CNTFR: variants seen among roughly 807,000 people sequenced by gnomAD.
CNTFR encodes ciliary neurotrophic factor receptor, also known as ciliary neurotrophic factor receptor subunit alpha.
CNTFR carries 12 observed loss-of-function variants against 40.4 expected under a neutral mutation model. That is an observed-to-expected ratio of 0.30 (90% CI 0.19 to 0.48). The LOEUF (loss-of-function observed/expected upper bound fraction) is 0.48, where lower values mean the gene tolerates loss of function less well. Among genes scored for constraint, CNTFR ranks in the 20% least tolerant of loss-of-function variants. CNTFR has a pLI of 0.99. For synonymous variants in CNTFR, 202 were observed against 209.6 expected, an observed-to-expected ratio of 0.96 and a Z score of 0.31; for missense variants, 414 against 506.8, an observed-to-expected ratio of 0.82 and a Z score of 1.76.
chr9:34,569,070 G>A, intron 2 of CNTFR, 89 bp from the exon 3 acceptor site: 1 of 1,276,122 alleles, frequency 7.8e-7, no homozygotes, highest in Non-Finnish European at 1.1e-6. Flanking sequence ...AGGCAAGACT[G>A]GGAAATCCCA....
intron 7 of CNTFR, among the ~76,000 whole-genome samples, chr9:34,555,951 A>C (rs563756162): frequency 1.6e-3 from 38 of 23,186 alleles, no homozygotes; most frequent in South Asian, 8.0e-3. Flanking sequence ...TCCCTCCCCC[A>C]CCATCTCCCT....
At chr9:34,587,223 G>A (rs1459724020) in intron 1 of CNTFR, among the ~76,000 whole-genome samples, 1 of 152,174 alleles carries the variant, frequency 6.6e-6, no homozygotes, top group Non-Finnish European at 1.5e-5. Flanking sequence ...TAGAGTTCTA[G>A]TGTAAGTCTG....
intron 2 of CNTFR, among the ~76,000 whole-genome samples, chr9:34,573,536 A>T (rs992953762): frequency 6.6e-6 from 1 of 152,170 alleles, no homozygotes; most frequent in African/African-American, 2.4e-5. Flanking sequence ...AATCCAAAGA[A>T]GGTCACCGGA....
At chr9:34,577,186 G>C (rs1422693615) in intron 2 of CNTFR, among the ~76,000 whole-genome samples, 1 of 152,204 alleles carries the variant, frequency 6.6e-6, no homozygotes, top group East Asian at 1.9e-4. Flanking sequence ...ATGGAATCCA[G>C]GCTGTGCTGG....
intron 1 of CNTFR, among the ~76,000 whole-genome samples, chr9:34,583,870 C>T (rs1354970197): frequency 2.6e-5 from 4 of 152,180 alleles, no homozygotes; most frequent in African/African-American, 9.7e-5. Context: ...GCTCATGGGC[C>T]GAGGTCACAT....
intron 7 of CNTFR, among the ~76,000 whole-genome samples, chr9:34,555,045 G>A (rs1019850867): frequency 1.5e-4 from 23 of 152,394 alleles, no homozygotes; most frequent in South Asian, 8.3e-4. Context: ...AGCCGCGTGC[G>A]TGTGCATGTT....
Position 34,557,989 on chromosome 9 carries a change from G to A in CNTFR, c.320-5C>T, listed in dbSNP as rs1825918690. The A allele has an allele frequency of 6.5e-7, 1 of 1,534,568 alleles. No individual in the cohort carries two copies. The highest frequency in any genetic ancestry group is 1.4e-5 in the African/African-American group (1 of 72,538). ...GCACAGGCTCCCGCGGCGGCACTGG[G>A]GGTGAGGACAGTATGGTCAGGGCAT... is the stretch of plus-strand genomic sequence containing the variant. On this transcript the variant is annotated splice_region_variant and splice_polypyrimidine_tract_variant and intron_variant, in intron 4 of 9. Transcript: ENST00000378980. This position sits in a 1 kb window ranked among gnomAD's most constrained non-coding sequence, Gnocchi z 4.2.
At position 34,557,592 on chromosome 9, in the gene CNTFR, A is replaced by T; in HGVS notation, c.538T>A (p.Ser180Thr). The T allele has an allele frequency of 6.2e-7, 1 of 1,614,178 alleles. No homozygotes were observed. The highest frequency in any genetic ancestry group is 8.5e-7 in the Non-Finnish European group (1 of 1,180,032). Residue 180 changes from serine (S) to threonine (T), a missense_variant, in exon 6 of 10, where the codon TCC (serine) becomes ACC (threonine). Physicochemically the swap from Ser to Thr is moderately conservative, Grantham distance 58 (BLOSUM62 1). Around this residue, in one of 3 missense-constraint regions of CNTFR, gnomAD observed 250 missense variants for 269.5 expected, o/e 0.93. Transcript: ENST00000378980. The surrounding 1 kb of genome is among the most constrained non-coding windows in gnomAD (Gnocchi z 4.2). The stretch of plus-strand genomic sequence containing the variant: ...CCCAGGGCATTGCTGACACTTATGG[A>T]GACCTTGTACTTGATGGTGGAGAAC... ...HLFSTIKYKV[S>T]ISVSNALGHN...
intron 4 of CNTFR, among the ~76,000 whole-genome samples, chr9:34,558,367 C>T (rs1405804731): frequency 1.3e-5 from 2 of 152,160 alleles, no homozygotes; most frequent in African/African-American, 2.4e-5. Flanking sequence ...GCTGCAGAGA[C>T]GAGGGGAGTC....
intron 2 of CNTFR, among the ~76,000 whole-genome samples, chr9:34,574,034 G>A (rs1434819512): frequency 6.6e-6 from 1 of 152,190 alleles, no homozygotes; most frequent in Admixed American, 6.5e-5. Flanking sequence ...CAGGGAGGAG[G>A]GGCTGAGGCT....
chr9:34,590,789 A>G (rs1827743795), upstream of CNTFR, among the ~76,000 whole-genome samples: 2 of 152,220 alleles, frequency 1.3e-5, no homozygotes, highest in Admixed American at 1.3e-4. Flanking sequence ...TCTGGCTGCA[A>G]CATAGGAGAG....
chr9:34,586,301 T>C (rs1827543188), intron 1 of CNTFR, among the ~76,000 whole-genome samples: 1 of 152,084 alleles, frequency 6.6e-6, no homozygotes, highest in Admixed American at 6.5e-5. Flanking sequence ...CCAGAGACAC[T>C]GTGAGACACG....
chr9:34,571,769 G>A (rs552389942), intron 2 of CNTFR, among the ~76,000 whole-genome samples: 1 of 152,148 alleles, frequency 6.6e-6, no homozygotes, highest in South Asian at 2.1e-4. Context: ...CAGGGTTGGG[G>A]GCACCCAGAA....
Position 34,552,187 on chromosome 9 carries a change from G to A in CNTFR, c.1092C>T (p.Ala364=), listed in dbSNP as rs149287120. Residue 364 remains alanine, a synonymous_variant, in exon 9 of 10, where the codon GCC becomes GCT. Coordinates refer to ENST00000378980, the MANE Select transcript of CNTFR (RefSeq NM_147164.3). The surrounding 1 kb of genome is among the most constrained non-coding windows in gnomAD (Gnocchi z 5.1). Reference sequence around the variant, plus strand: ...AGATCAAGAGACTGCTGGCAGTGGCGGCAGCGGCAGCCAGGGCCAGAGTGA... The same window carrying A: ...AGATCAAGAGACTGCTGGCAGTGGCAGCAGCGGCAGCCAGGGCCAGAGTGA... ...VPITLALAAA[A]ATASSLLI 9.1e-5 allele frequency: 145 copies of A among 1,593,332 alleles called. No individual in the cohort carries two copies. In the African/African-American group the frequency reaches 1.2e-3, roughly 13 times the overall value.
chr9:34,572,156 T>TCTGCCC (rs532202248), intron 2 of CNTFR, among the ~76,000 whole-genome samples: 2 of 151,730 alleles, frequency 1.3e-5, no homozygotes, highest in Non-Finnish European at 2.9e-5. Context: ...AAACCCCATC[T>TCTGCCC]CTGCCCCTGC....
intron 2 of CNTFR, chr9:34,571,281 C>T (rs894564159): frequency 2.6e-5 from 4 of 152,488 alleles, no homozygotes; most frequent in African/African-American, 9.6e-5. Context: ...CAACCTCAGC[C>T]CTGGCCAGTC....
At chr9:34,573,141 T>C (rs1826761936) in intron 2 of CNTFR, among the ~76,000 whole-genome samples, 1 of 5,102 alleles carries the variant, frequency 2.0e-4, no homozygotes, top group Non-Finnish European at 7.1e-3. Flanking sequence ...GTCCCAGCAA[T>C]GTTCCGGGTT....
intron 1 of CNTFR, among the ~76,000 whole-genome samples, chr9:34,586,558 G>A (rs1827555310): frequency 6.6e-6 from 1 of 152,138 alleles, no homozygotes; most frequent in Non-Finnish European, 1.5e-5. Context: ...GATGTCTTGG[G>A]AGGACAGGAG....
intron 2 of CNTFR, among the ~76,000 whole-genome samples, chr9:34,575,019 T>C (rs925250301): frequency 3.9e-5 from 6 of 152,330 alleles, no homozygotes; most frequent in African/African-American, 1.4e-4. Flanking sequence ...TATATGCACA[T>C]ACATGCAGGC....
Sources: allele counts gnomAD v4.1 joint callset (sites outside exome capture counted in the v4.1 genomes callset), GRCh38; gene constraint gnomAD v4.1.1; regional missense constraint gnomAD v4.1.1; non-coding constraint Gnocchi (gnomAD v3.1); transcripts MANE v1.5; gene names NCBI Gene and HGNC (gene_info 2026-07-23, HGNC 2026-07-21).